FARS2: variants seen among roughly 807,000 people sequenced by gnomAD.
The protein encoded by FARS2 is phenylalanyl-tRNA synthetase 2, mitochondrial, also known as phenylalanine--tRNA ligase, mitochondrial.
FARS2 carries 40 observed loss-of-function variants against 46.4 expected under a neutral mutation model. That is an observed-to-expected ratio of 0.86 (90% CI 0.67 to 1.12). The LOEUF (loss-of-function observed/expected upper bound fraction) is 1.12, where lower values mean the gene tolerates loss of function less well. Ranked by LOEUF, FARS2 falls within the 50% of genes most tolerant of loss-of-function variation. FARS2 has a pLI of 0.00. For synonymous variants in FARS2, 234 were observed against 214.9 expected (o/e 1.09, Z -0.78); for missense variants, 513 against 567.9 (o/e 0.90, Z 0.98).
Position 5,630,140 on chromosome 6 carries a change from G to A in FARS2, c.1217+16820G>A, listed in dbSNP as rs1257650289. Reference sequence around the variant, plus strand: ...AATGCCTGGTGAATGTCTAGAACAGGTGAAGAGCAAGGTGAGGAAAGGACC... The same window carrying A: ...AATGCCTGGTGAATGTCTAGAACAGATGAAGAGCAAGGTGAGGAAAGGACC... On this transcript the variant is annotated intron_variant, in intron 6 of 6. Coordinates refer to ENST00000274680, the MANE Select transcript of FARS2 (RefSeq NM_006567.5). This position sits in a 1 kb window ranked among gnomAD's most constrained non-coding sequence, Gnocchi z 4.2. Among the ~76,000 whole-genome samples the A allele has an allele frequency of 6.6e-6, 1 of 152,190 alleles. No homozygotes were observed. Among genetic ancestry groups the A allele is most frequent in the Non-Finnish European group, 1.5e-5 (1 of 68,048 alleles).
intron 6 of FARS2, among the ~76,000 whole-genome samples, chr6:5,747,157 G>A (rs1319367394): frequency 1.3e-5 from 2 of 152,196 alleles, no homozygotes; most frequent in African/African-American, 4.8e-5. Flanking sequence ...TTAGAGCAGG[G>A]TCCATGATGG....
At chr6:5,426,383 C>T (rs901668781) in intron 3 of FARS2, among the ~76,000 whole-genome samples, 1 of 152,090 alleles carries the variant, frequency 6.6e-6, no homozygotes, top group Non-Finnish European at 1.5e-5. Context: ...TAATACTTGA[C>T]ATGTGAAATA....
chr6:5,575,137 A>G (rs1446926320), intron 5 of FARS2, among the ~76,000 whole-genome samples: 1 of 152,198 alleles, frequency 6.6e-6, no homozygotes, highest in African/African-American at 2.4e-5. Flanking sequence ...ACCAGAGAGT[A>G]CTTCAGCACT....
At chr6:5,634,757 C>T (rs766954422) in intron 6 of FARS2, among the ~76,000 whole-genome samples, 1 of 152,200 alleles carries the variant, frequency 6.6e-6, no homozygotes, top group Non-Finnish European at 1.5e-5. Context: ...ATCCCCTAGT[C>T]CCTTTTTTGG....
chr6:5,257,589 C>A (rs71557555), upstream of FARS2, among the ~76,000 whole-genome samples: 1 of 152,154 alleles, frequency 6.6e-6, no homozygotes, highest in South Asian at 2.1e-4. Flanking sequence ...AGCAGTTGAG[C>A]GGTGGGTGAG....
intron 1 of FARS2, among the ~76,000 whole-genome samples, chr6:5,355,574 G>C (rs1265611651): frequency 6.6e-6 from 1 of 151,738 alleles, no homozygotes; most frequent in South Asian, 2.1e-4. Context: ...GGCCAGGCTG[G>C]TCTTGAACTC....
intron 6 of FARS2, among the ~76,000 whole-genome samples, chr6:5,615,627 C>G (rs968550905): frequency 4.6e-5 from 7 of 152,124 alleles, no homozygotes; most frequent in African/African-American, 1.7e-4. Flanking sequence ...TGCCATTGTC[C>G]TCTTTTTTCC....
chr6:5,512,712 G>A (rs1331166265), intron 4 of FARS2, among the ~76,000 whole-genome samples: 1 of 151,994 alleles, frequency 6.6e-6, no homozygotes, highest in Non-Finnish European at 1.5e-5. Context: ...AGAAGGCCTA[G>A]TAAATGTAAA....
intron 6 of FARS2, among the ~76,000 whole-genome samples, chr6:5,686,243 G>A (rs994043310): frequency 6.6e-6 from 1 of 151,966 alleles, no homozygotes; most frequent in Admixed American, 6.5e-5. Context: ...GGGTACATGT[G>A]CACAACATGC....
intron 4 of FARS2, among the ~76,000 whole-genome samples, chr6:5,481,442 C>T (rs1400120909): frequency 6.6e-6 from 1 of 152,218 alleles, no homozygotes. Flanking sequence ...GTTGTAATTA[C>T]TACCACAGTT....
chr6:5,616,771 T>C (rs566030441), intron 6 of FARS2, among the ~76,000 whole-genome samples: 1 of 152,316 alleles, frequency 6.6e-6, no homozygotes, highest in Admixed American at 6.5e-5. Flanking sequence ...TTGGAATTCA[T>C]TCTTAATTTT....
intron 1 of FARS2, among the ~76,000 whole-genome samples, chr6:5,341,221 A>G (rs1474044820): frequency 4.0e-4 from 2 of 4,996 alleles, no homozygotes; most frequent in Non-Finnish European, 7.6e-4. Context: ...ATATATATAT[A>G]TATATATATA....
chr6:5,686,761 C>T (rs1361614261), intron 6 of FARS2, among the ~76,000 whole-genome samples: 1 of 152,180 alleles, frequency 6.6e-6, no homozygotes, highest in East Asian at 1.9e-4. Context: ...GTTCTAGATC[C>T]CTGAGGAATT....
intron 4 of FARS2, among the ~76,000 whole-genome samples, chr6:5,474,940 G>C (rs564381854): frequency 6.6e-6 from 1 of 152,202 alleles, no homozygotes; most frequent in East Asian, 1.9e-4. Context: ...TTACAGGCAT[G>C]AGCCACCACG....
rs567208087 is a variant in FARS2, at chr6:5,464,056, T to C, written c.904+32884T>C. Among the ~76,000 whole-genome samples the C allele has an allele frequency of 1.1e-4, 17 of 152,358 alleles. No homozygotes were observed. The East Asian group carries it at 1.5e-3, about 14-fold the overall frequency. The stretch of plus-strand genomic sequence containing the variant: ...ACGATTCAACCTCTGGACTTAAGTA[T>C]GTACATTTGGTTGCACTTCTCCATC... On this transcript the variant is annotated intron_variant, in intron 4 of 6. Coordinates refer to ENST00000274680, the MANE Select transcript of FARS2 (RefSeq NM_006567.5).
intron 5 of FARS2, among the ~76,000 whole-genome samples, chr6:5,560,273 C>T (rs7746509): frequency 0.27 from 40,528 of 151,942 alleles, 6,318 homozygotes; most frequent in East Asian, 0.52. Context: ...CAAGTTGTTG[C>T]TACAAATGAA....
At chr6:5,585,984 A>G (rs1483910816) in intron 5 of FARS2, among the ~76,000 whole-genome samples, 1 of 152,098 alleles carries the variant, frequency 6.6e-6, no homozygotes, top group East Asian at 1.9e-4. Flanking sequence ...TTTATGGAGG[A>G]AGCAGCGTAC....
At chr6:5,693,719 T>G (rs1005787005) in intron 6 of FARS2, among the ~76,000 whole-genome samples, 1 of 152,198 alleles carries the variant, frequency 6.6e-6, no homozygotes, top group African/African-American at 2.4e-5. Context: ...TTGGCTAGGC[T>G]GGGATGAGGC....
chr6:5,271,488 CAG>C (rs1299832286), intron 1 of FARS2, among the ~76,000 whole-genome samples: 1 of 151,420 alleles, frequency 6.6e-6, no homozygotes, highest in Non-Finnish European at 1.5e-5. Context: ...GCAATCTTGC[CAG>C]AGTTATATTT....
Sources: allele counts gnomAD v4.1 joint callset (sites outside exome capture counted in the v4.1 genomes callset), GRCh38; gene constraint gnomAD v4.1.1; non-coding constraint Gnocchi (gnomAD v3.1); transcripts MANE v1.5; gene names NCBI Gene and HGNC (gene_info 2026-07-23, HGNC 2026-07-21).